GSN: variants seen among roughly 807,000 people sequenced by gnomAD.
The protein encoded by GSN is actin-depolymerizing factor.
In GSN, 56 loss-of-function variants were observed where a neutral mutation model predicts 85.7. The observed-to-expected ratio is 0.65, with a 90% CI of 0.53 to 0.82. The LOEUF is 0.82. Ranked by LOEUF, GSN falls within the 40% of genes least tolerant of loss-of-function variation. The pLI is 0.00. For synonymous variants in GSN, 373 were observed against 399.1 expected, an observed-to-expected ratio of 0.93 and a Z score of 0.78; for missense variants, 857 against 979.8, an observed-to-expected ratio of 0.87 and a Z score of 1.67.
chr9:121,312,079 A>G, intron 5 of GSN: 1 of 422,962 alleles, frequency 2.4e-6, no homozygotes, highest in South Asian at 3.5e-5. Context: ...CAGCAGGCAA[A>G]CATTTTTGCA....
chr9:121,327,206 C>A (rs1459183965), intron 13 of GSN, 102 bp from the exon 14 acceptor site: 1 of 963,408 alleles, frequency 1.0e-6, no homozygotes, highest in Non-Finnish European at 1.7e-6. Flanking sequence ...TCCTCCAAGT[C>A]CCCACCTGAG....
intron 5 of GSN, chr9:121,312,059 ATAT>A: frequency 2.7e-6 from 1 of 375,586 alleles, no homozygotes; most frequent in Admixed American, 4.3e-5. Context: ...GTGCCAATTT[ATAT>A]TCCCTTCAGC....
In GSN at chr9:121,299,868, C is replaced by A; in HGVS notation, c.-9-2095C>A. 1 of 1,332,012 alleles carries A rather than the reference C, an allele frequency of 7.5e-7. No homozygotes were observed. The allele number at this position is 1,332,012 out of a possible 1,614,324, so 82.5% of individuals were successfully genotyped here. A position where few individuals can be genotyped will look rare whatever the true frequency, so the allele number is the denominator to read the frequency against. ...CCCTGCCGCTGTCGCCACCATGGCT[C>A]CGCACCGCCCCGCGCCCGCGCTGCT... On this transcript the variant is annotated intron_variant, in intron 2 of 17. Coordinates refer to ENST00000432226, the MANE Select transcript of GSN (RefSeq NM_198252.3). This position sits in a 1 kb window ranked among gnomAD's most constrained non-coding sequence, Gnocchi z 4.2.
rs1422700270 is a variant in GSN, at chr9:121,329,134, C to T, written c.1888-104C>T. 2 of 1,512,452 alleles carry T rather than the reference C, an allele frequency of 1.3e-6. No homozygotes were observed. The highest frequency in any genetic ancestry group is 4.5e-5 in the East Asian group (2 of 44,170). 93.7% of individuals were successfully genotyped at this position (1,512,452 alleles called of 1,614,324 possible). A position where few individuals can be genotyped will look rare whatever the true frequency, so the allele number is the denominator to read the frequency against. The stretch of plus-strand genomic sequence containing the variant: ...TGGTGTGGCACAGAGGAAGGGGCCC[C>T]CTGCCAGCTGCAGCCAGCTGTGCCA... On this transcript the variant is annotated intron_variant, in intron 15 of 17. Coordinates refer to ENST00000432226, the MANE Select transcript of GSN (RefSeq NM_198252.3). This position sits in a 1 kb window ranked among gnomAD's most constrained non-coding sequence, Gnocchi z 4.6.
chr9:121,306,245 GAACC>G (rs2133315392), intron 4 of GSN, among the ~76,000 whole-genome samples: 1 of 152,302 alleles, frequency 6.6e-6, no homozygotes, highest in African/African-American at 2.4e-5. Context: ...AGAATCACTG[GAACC>G]TTTCTGTCCT....
At chr9:121,269,016 C>A (rs2055501648) in intron 1 of GSN, among the ~76,000 whole-genome samples, 1 of 152,216 alleles carries the variant, frequency 6.6e-6, no homozygotes. Flanking sequence ...TGGCTTTCTT[C>A]CTAGCTCCTT....
intron 16 of GSN, among the ~76,000 whole-genome samples, chr9:121,330,593 T>C (rs2164298): frequency 0.076 from 11,503 of 152,068 alleles, 883 homozygotes; most frequent in Admixed American, 0.17. Flanking sequence ...GTGAGAAAAA[T>C]GAAGTCTGAC....
intron 16 of GSN, 147 bp from the exon 17 acceptor site, chr9:121,331,241 C>T: frequency 1.5e-6 from 1 of 654,846 alleles, no homozygotes; most frequent in Non-Finnish European, 2.8e-6. Context: ...AACCTCTGTT[C>T]CAAATCCTTC....
intron 1 of GSN, among the ~76,000 whole-genome samples, chr9:121,279,140 G>A (rs373694389): frequency 4.6e-5 from 7 of 152,270 alleles, no homozygotes; most frequent in African/African-American, 1.2e-4. Flanking sequence ...AGGTCTGTAC[G>A]GAGACTACAC....
At chr9:121,323,961 A>T (rs186095258) in intron 11 of GSN, among the ~76,000 whole-genome samples, 31 of 152,302 alleles carry the variant, frequency 2.0e-4, no homozygotes, top group Admixed American at 9.1e-4. Flanking sequence ...GCGCATTAAT[A>T]GGTCAGATTT....
intron 2 of GSN, chr9:121,300,241 C>T (rs995816046): frequency 2.7e-6 from 2 of 741,296 alleles, no homozygotes; most frequent in African/African-American, 3.5e-5. Context: ...TTTCTTTTCC[C>T]CTGTCCTCCT....
intron 5 of GSN, among the ~76,000 whole-genome samples, chr9:121,246,440 C>A (rs770550245): frequency 6.6e-6 from 1 of 151,972 alleles, no homozygotes; most frequent in African/African-American, 2.4e-5. Context: ...CTAGTTAATG[C>A]GAAAATGAGG....
At chr9:121,255,987 A>G (rs1389252544) in intron 6 of GSN, among the ~76,000 whole-genome samples, 1 of 152,142 alleles carries the variant, frequency 6.6e-6, no homozygotes, top group African/African-American at 2.4e-5. Context: ...TTCTGGGGTC[A>G]TGAGGGAATT....
At chr9:121,326,420 T>C in intron 12 of GSN, 92 bp from the exon 13 acceptor site, 1 of 1,012,230 alleles carries the variant, frequency 9.9e-7, no homozygotes, top group Non-Finnish European at 1.5e-6. Context: ...ACAAGCATGA[T>C]GGCTTCGTCT....
chr9:121,226,228 G>T (rs762139067), intron 4 of GSN, among the ~76,000 whole-genome samples: 2 of 152,216 alleles, frequency 1.3e-5, no homozygotes, highest in Non-Finnish European at 2.9e-5. Context: ...ATGCATGCTG[G>T]ATACTGCGCA....
intron 4 of GSN, among the ~76,000 whole-genome samples, chr9:121,223,699 G>A (rs2054215908): frequency 6.6e-6 from 1 of 152,118 alleles, no homozygotes; most frequent in African/African-American, 2.4e-5. Flanking sequence ...TCACTCTGTT[G>A]TCTAGGCTGG....
chr9:121,284,363 T>C (rs1421882745), intron 2 of GSN: 2 of 166,868 alleles, frequency 1.2e-5, no homozygotes, highest in Admixed American at 1.3e-4. Context: ...CAGGATTCTC[T>C]CAGCTCTTTG....
chr9:121,299,685 G>A lies in GSN; in HGVS notation c.-9-2278G>A, dbSNP rs6478506. On this transcript the variant is annotated intron_variant, in intron 2 of 17. Transcript: ENST00000432226. This position sits in a 1 kb window ranked among gnomAD's most constrained non-coding sequence, Gnocchi z 4.2. ...GGAGCTGGGGTGCAGGGGCTGCCGC[G>A]CCCTGTCGGGTCGATCCGGGTGGGA... The A allele has an allele frequency of 0.2, 154,917 of 778,732 alleles. 17,017 individuals are homozygous for A. The highest frequency in any genetic ancestry group is 0.37 in the African/African-American group (19,805 of 54,170). The allele number at this position is 778,732 out of a possible 1,614,324, so 48.2% of individuals were successfully genotyped here. A position where few individuals can be genotyped will look rare whatever the true frequency, so the allele number is the denominator to read the frequency against.
At chr9:121,326,382 C>T (rs1394532225) in intron 12 of GSN, 130 bp from the exon 13 acceptor site, 9 of 771,152 alleles carry the variant, frequency 1.2e-5, no homozygotes, top group Admixed American at 2.0e-5. Context: ...TGTGTGTTGT[C>T]GGGTCACATT....
Sources: gnomAD v4.1 joint callset for allele counts (sites outside exome capture counted in the v4.1 genomes callset) on GRCh38, gnomAD v4.1.1 for gene constraint, Gnocchi (gnomAD v3.1) non-coding constraint, MANE v1.5 for transcripts, NCBI Gene and HGNC (gene_info 2026-07-23, HGNC 2026-07-21) for gene names.